SELENOK: variants seen among roughly 807,000 people sequenced by gnomAD.
SELENOK encodes selenoprotein K.
SELENOK carries 11 observed loss-of-function variants against 17.3 expected under a neutral mutation model. The ratio of observed to expected loss-of-function variants is 0.63; its 90% CI spans 0.40 to 1.05. The LOEUF is 1.05. SELENOK is among the 50% of genes least tolerant of loss of function. The pLI, the probability that SELENOK is intolerant of heterozygous loss-of-function variation, is 0.00. For synonymous variants in SELENOK, 45 were observed against 35.4 expected, an observed-to-expected ratio of 1.27 and a Z score of -0.97; for missense variants, 125 against 113.9, an observed-to-expected ratio of 1.10 and a Z score of -0.44.
chr3:53,887,619 G>A (rs1700136346), intron 2 of SELENOK, among the ~76,000 whole-genome samples: 1 of 152,152 alleles, frequency 6.6e-6, no homozygotes, highest in African/African-American at 2.4e-5. Context: ...ACCACAGCCT[G>A]ATACTCAAAC....
Position 53,891,790 on chromosome 3 carries a change from T to C in SELENOK, c.-2A>G. The C allele has an allele frequency of 1.2e-6, 2 of 1,613,984 alleles. No homozygotes were observed. Among genetic ancestry groups the C allele is most frequent in the Non-Finnish European group, 1.7e-6 (2 of 1,179,820 alleles). ...CTTACCGTTCGAGATGTAAACCATC[T>C]TGTCCCACTTCCCCGCTTCGGAGCC... On this transcript the variant is annotated 5_prime_UTR_variant, in exon 1 of 5. Coordinates refer to ENST00000495461, the MANE Select transcript of SELENOK (RefSeq NM_021237.5).
rs1387101445 is a variant in SELENOK, at chr3:53,884,458, CAT to C, written c.*1098_*1099del. The C allele has an allele frequency of 1.3e-5, 2 of 152,198 alleles. No individual in the cohort carries two copies. Among genetic ancestry groups the C allele is most frequent in the African/African-American group, 4.8e-5 (2 of 41,454 alleles). 9.4% of individuals were successfully genotyped at this position (152,198 alleles called of 1,614,324 possible). A position where few individuals can be genotyped will look rare whatever the true frequency, so the allele number is the denominator to read the frequency against. On this transcript the variant is annotated 3_prime_UTR_variant, in exon 5 of 5. Transcript: ENST00000495461. ...AAATATTTATTTCCAATAAATACTA[CAT>C]GACTATCTTACATGTAGTCACTATT...
chr3:53,888,415 T>C lies in SELENOK; in HGVS notation c.88A>G (p.Ile30Val), dbSNP rs1700141954. Residue 30 changes from isoleucine (I) to valine (V), a missense_variant, in exon 2 of 5, where the codon ATA (isoleucine) becomes GTA (valine). By Grantham distance (29) the Ile-to-Val change is conservative. Coordinates refer to ENST00000495461, the MANE Select transcript of SELENOK (RefSeq NM_021237.5). ...TACAACAAAACCACAAACTCAGCTA[T>C]TCCCCAGAAGAAATCTGTTATCAAA... ...LSLITDFFWG[I>V]AEFVVLFFKT... 4.3e-6 allele frequency: 7 copies of C among 1,612,180 alleles called. No individual in the cohort carries two copies. Among genetic ancestry groups the C allele is most frequent in the Non-Finnish European group, 5.1e-6 (6 of 1,178,962 alleles).
rs1475964808 is a variant in SELENOK, at chr3:53,885,455, T to C, written c.*103A>G. 11 of 1,125,284 alleles carry C rather than the reference T, an allele frequency of 9.8e-6. No individual in the cohort carries two copies. The highest frequency in any genetic ancestry group is 5.6e-4 in the Middle Eastern group (2 of 3,568). 69.7% of individuals were successfully genotyped at this position (1,125,284 alleles called of 1,614,324 possible). A position where few individuals can be genotyped will look rare whatever the true frequency, so the allele number is the denominator to read the frequency against. On this transcript the variant is annotated 3_prime_UTR_variant, in exon 5 of 5. Transcript: ENST00000495461. ...ACACAGAGCAGTCCTTGTTTAGACATACACATTCATCTACTGCTCATCATG... is the reference window on the plus strand; with the variant it reads ...ACACAGAGCAGTCCTTGTTTAGACACACACATTCATCTACTGCTCATCATG...
At position 53,885,843 on chromosome 3, in the gene SELENOK, CATT is replaced by C. The variant is rs763244676; in HGVS notation, c.261_263del (p.Met88del). ...GAAGTTACCTTCCTCATCCACCAGC[CATT>C]GGAGGGGGACTAGGGCCACGCAGAT... On this transcript the variant is annotated inframe_deletion, in exon 4 of 5. Transcript: ENST00000495461. The C allele has an allele frequency of 3.8e-6, 6 of 1,591,484 alleles. No individual in the cohort carries two copies. The highest frequency in any genetic ancestry group is 1.7e-4 in the Middle Eastern group (1 of 5,888).
At chr3:53,886,808 A>T in intron 3 of SELENOK, 43 bp downstream of exon 3, 1 of 1,223,042 alleles carries the variant, frequency 8.2e-7, no homozygotes, top group Non-Finnish European at 1.1e-6. Context: ...ATAAAGGTAT[A>T]CAAAGACATA....
chr3:53,891,836 C>T lies in SELENOK; in HGVS notation c.-48G>A. 4.3e-6 allele frequency: 7 copies of T among 1,609,950 alleles called. No homozygotes were observed. The highest frequency in any genetic ancestry group is 6.0e-6 in the Non-Finnish European group (7 of 1,176,434). On this transcript the variant is annotated 5_prime_UTR_variant, in exon 1 of 5. Transcript: ENST00000495461. ...GAGCCACCGGGCGCCTGGCCCCTGT[C>T]GGTTTCTGTATCTCCCTCTGCTCCC...
intron 2 of SELENOK, among the ~76,000 whole-genome samples, chr3:53,887,812 C>G (rs1463807917): frequency 6.6e-6 from 1 of 152,108 alleles, no homozygotes; most frequent in Non-Finnish European, 1.5e-5. Context: ...AATATATATT[C>G]AAATTTAGGA....
chr3:53,888,576 G>T lies in SELENOK; in HGVS notation c.20-93C>A, dbSNP rs1017448436. The T allele has an allele frequency of 1.2e-4, 105 of 857,906 alleles. 2 individuals carry two copies. Among genetic ancestry groups the T allele is most frequent in the Non-Finnish European group, 1.9e-4 (99 of 523,452 alleles). 53.1% of individuals were successfully genotyped at this position (857,906 alleles called of 1,614,324 possible). A position where few individuals can be genotyped will look rare whatever the true frequency, so the allele number is the denominator to read the frequency against. ...AATTATTGAGGTAACAATGATTGGG[G>T]TTTTAACTTGCCCATTATTCCAAAT... On this transcript the variant is annotated intron_variant, in intron 1 of 4. Transcript: ENST00000495461.
chr3:53,890,134 T>G (rs1700156738), intron 1 of SELENOK, among the ~76,000 whole-genome samples: 1 of 152,204 alleles, frequency 6.6e-6, no homozygotes, highest in African/African-American at 2.4e-5. Context: ...AAGCTCTCAC[T>G]GTGCTACTGA....
chr3:53,891,578 C>A (rs1458172575), intron 1 of SELENOK, among the ~76,000 whole-genome samples, 192 bp downstream of exon 1: 1 of 152,170 alleles, frequency 6.6e-6, no homozygotes, highest in Non-Finnish European at 1.5e-5. Context: ...CCTCGGCCCC[C>A]GACTGCCGGC....
rs1206320319 is a variant in SELENOK, at chr3:53,887,011, A to G, written c.111-77T>C. The G allele has an allele frequency of 9.3e-6, 11 of 1,178,622 alleles. No individual in the cohort carries two copies. In the East Asian group the frequency reaches 1.0e-4, roughly 11 times the overall value. 73.0% of individuals were successfully genotyped at this position (1,178,622 alleles called of 1,614,324 possible). A position where few individuals can be genotyped will look rare whatever the true frequency, so the allele number is the denominator to read the frequency against. On this transcript the variant is annotated intron_variant, in intron 2 of 4. Coordinates refer to ENST00000495461, the MANE Select transcript of SELENOK (RefSeq NM_021237.5). ...AAATATATTTCCATGTTTTTTAACC[A>G]TCATCTCTGTGAGAGGATTACTAAA...
chr3:53,887,110 T>A (rs931009208), intron 2 of SELENOK, among the ~76,000 whole-genome samples, 176 bp from the exon 3 acceptor site: 2 of 152,244 alleles, frequency 1.3e-5, no homozygotes, highest in Non-Finnish European at 2.9e-5. Context: ...GTGTCTAAAC[T>A]GAATGTGCTA....
At chr3:53,886,708 C>A (rs1362025041) in intron 3 of SELENOK, 143 bp downstream of exon 3, 6 of 487,852 alleles carry the variant, frequency 1.2e-5, no homozygotes, top group Non-Finnish European at 2.2e-5. Context: ...AGCAATTTGA[C>A]TTTTAATTTA....
At chr3:53,886,440 T>G (rs1280686284) in intron 3 of SELENOK, among the ~76,000 whole-genome samples, 1 of 152,196 alleles carries the variant, frequency 6.6e-6, no homozygotes, top group Non-Finnish European at 1.5e-5. Flanking sequence ...TTCATCATGT[T>G]GGTCAGGATG....
intron 3 of SELENOK, 136 bp downstream of exon 3, chr3:53,886,715 T>G (rs1458057341): frequency 2.0e-6 from 1 of 504,314 alleles, no homozygotes; most frequent in Non-Finnish European, 3.5e-6. Context: ...TGACTTTTAA[T>G]TTACAGTAAT....
In SELENOK at chr3:53,890,285, G is replaced by T; in HGVS notation, c.19+1485C>A. 1.3e-5 allele frequency among the ~76,000 whole-genome samples: 2 copies of T among 150,872 alleles called. 1 individual carries two copies. On this transcript the variant is annotated intron_variant, in intron 1 of 4. Coordinates refer to ENST00000495461, the MANE Select transcript of SELENOK (RefSeq NM_021237.5). ...GGGCTAGCCATCACATAAGATTTTT[G>T]GAAAAAAAAAAGTCATCTGACAGCA...
At position 53,891,803 on chromosome 3, in the gene SELENOK, C is replaced by G; in HGVS notation, c.-15G>C. On this transcript the variant is annotated 5_prime_UTR_variant, in exon 1 of 5. Coordinates refer to ENST00000495461, the MANE Select transcript of SELENOK (RefSeq NM_021237.5). The stretch of plus-strand genomic sequence containing the variant: ...ATGTAAACCATCTTGTCCCACTTCC[C>G]CGCTTCGGAGCCACCGGGCGCCTGG... The G allele has an allele frequency of 1.2e-6, 2 of 1,613,944 alleles. No individual in the cohort carries two copies. The highest frequency in any genetic ancestry group is 1.7e-6 in the Non-Finnish European group (2 of 1,179,792).
In SELENOK at chr3:53,888,443, T is replaced by A. The variant is rs1196346725; in HGVS notation, c.60A>T (p.Leu20Phe). 1.2e-6 allele frequency: 2 copies of A among 1,612,648 alleles called. No homozygotes were observed. The highest frequency in any genetic ancestry group is 2.2e-5 in the South Asian group (2 of 91,082). ...LDSRSQSPWR[L>F]SLITDFFWGI... ...CCCAGAAGAAATCTGTTATCAAAGA[T>A]AATCTCCATGGAGACTGACTCCGGC... The change falls in exon 2 of 5, where the codon TTA becomes TTT. Residue 20 changes from leucine (L) to phenylalanine (F), a missense_variant. Transcript: ENST00000495461.
Sources: allele counts gnomAD v4.1 joint callset (sites outside exome capture counted in the v4.1 genomes callset), GRCh38; gene constraint gnomAD v4.1.1; transcripts MANE v1.5; gene names NCBI Gene and HGNC (gene_info 2026-07-23, HGNC 2026-07-21).